Variants in SERPINB11 observed in about 807,000 individuals in gnomAD.
SERPINB11 encodes serpin family B member 11, also known as serpin B11.
Under a neutral mutation model 36.7 loss-of-function variants are expected in SERPINB11, and 32 were observed. The observed-to-expected ratio is 0.87, with a 90% CI of 0.66 to 1.17. The LOEUF (loss-of-function observed/expected upper bound fraction) is 1.17, where lower values mean the gene tolerates loss of function less well. Ranked by LOEUF, SERPINB11 falls within the 50% of genes most tolerant of loss-of-function variation. The probability of loss-of-function intolerance (pLI) is 0.00; values close to 1 mark genes in which losing one functional copy is unlikely to be tolerated. For missense variants in SERPINB11, 528 were observed against 458.4 expected, an observed-to-expected ratio of 1.15 and a Z score of -1.39; for synonymous variants, 174 against 168.1, an observed-to-expected ratio of 1.04 and a Z score of -0.27.
chr18:63,709,159 T>C (rs1914448453), intron 1 of SERPINB11, among the ~76,000 whole-genome samples: 1 of 152,208 alleles, frequency 6.6e-6, no homozygotes, highest in South Asian at 2.1e-4. Context: ...CATCTTTTCT[T>C]CTCTTGGATT....
intron 7 of SERPINB11, 125 bp downstream of exon 7, chr18:63,721,111 G>A (rs1234884395): frequency 3.2e-6 from 3 of 934,150 alleles, no homozygotes; most frequent in South Asian, 1.7e-5. Flanking sequence ...AGCCTTAGTA[G>A]GATTGTCCCG....
intron 7 of SERPINB11, among the ~76,000 whole-genome samples, chr18:63,722,541 G>T (rs1372442103): frequency 6.6e-6 from 1 of 152,140 alleles, no homozygotes; most frequent in Non-Finnish European, 1.5e-5. Context: ...ACAGAGAAGG[G>T]CACGAGAGGA....
intron 6 of SERPINB11, 163 bp from the exon 7 acceptor site, chr18:63,720,649 TTTTAAATTAAAAAAATGGA>T: frequency 1.8e-6 from 1 of 546,212 alleles, no homozygotes; most frequent in Non-Finnish European, 3.2e-6. Context: ...CCATGACTTA[TTTTAAATTAAAAAAATGGA>T]TAACCTTTGC....
intron 1 of SERPINB11, among the ~76,000 whole-genome samples, chr18:63,708,757 T>C (rs1028713182): frequency 6.6e-6 from 1 of 152,194 alleles, no homozygotes; most frequent in Non-Finnish European, 1.5e-5. Flanking sequence ...TAATAGCATA[T>C]TGGTGACATT....
chr18:63,707,924 A>G (rs1914413935), intron 1 of SERPINB11, among the ~76,000 whole-genome samples: 1 of 152,178 alleles, frequency 6.6e-6, no homozygotes, highest in Non-Finnish European at 1.5e-5. Flanking sequence ...GAATGGAGGG[A>G]TGTGGGCTGA....
At position 63,723,158 on chromosome 18, in the gene SERPINB11, T is replaced by A; in HGVS notation, c.938T>A (p.Val313Asp). The A allele has an allele frequency of 6.2e-7, 1 of 1,612,080 alleles. No homozygotes were observed. The highest frequency in any genetic ancestry group is 1.3e-5 in the African/African-American group (1 of 75,000). The change falls in exon 8 of 8, where the codon GTC (valine) becomes GAC (aspartate). Residue 313 changes from valine to aspartate, a missense_variant. Physicochemically the swap from Val to Asp is radical, Grantham distance 152. Transcript: ENST00000544088. ...GGGGTGACAGATCTCTTCAACCAGG[T>A]CAAAGCTGATCTTTCTGGAATGTCA... ...SLGVTDLFNQ[V>D]KADLSGMSPT... is the part of the protein sequence containing the mutation.
At chr18:63,720,540 C>CT in intron 6 of SERPINB11, 1 of 377,724 alleles carries the variant, frequency 2.6e-6, no homozygotes, top group Non-Finnish European at 4.6e-6. Context: ...ATGATATATC[C>CT]TTTTTCTTCC....
chr18:63,716,436 T>C (rs1431462181), intron 5 of SERPINB11, among the ~76,000 whole-genome samples: 2 of 152,224 alleles, frequency 1.3e-5, no homozygotes, highest in African/African-American at 2.4e-5. Context: ...AAAACCCATA[T>C]ATATTGCTAA....
chr18:63,705,771 T>C (rs1173810219), intron 1 of SERPINB11: 1 of 152,214 alleles, frequency 6.6e-6, no homozygotes, highest in Admixed American at 6.5e-5. Context: ...AGGACATAAA[T>C]TTAAGATAAA....
At chr18:63,704,010 C>T (rs1311070628) in intron 1 of SERPINB11, among the ~76,000 whole-genome samples, 3 of 152,174 alleles carry the variant, frequency 2.0e-5, no homozygotes, top group Admixed American at 6.5e-5. Context: ...TCCCTTACCA[C>T]GTGAGTGGGC....
chr18:63,706,113 A>T (rs17071486), intron 1 of SERPINB11, among the ~76,000 whole-genome samples: 1 of 152,022 alleles, frequency 6.6e-6, no homozygotes, highest in African/African-American at 2.4e-5. Context: ...CTGTATAACT[A>T]CTGGGTCCTA....
rs1243554762 is a variant in SERPINB11, at chr18:63,704,392, G to A, written c.-16+1386G>A. On this transcript the variant is annotated intron_variant, in intron 1 of 7. Coordinates refer to ENST00000544088, the MANE Select transcript of SERPINB11 (RefSeq NM_001370475.1). ...ATGGTTAACATAGAAACTCCATTGT[G>A]AAAGATCTCTGCAAACAGAAAGGTA... Among the ~76,000 whole-genome samples the A allele has an allele frequency of 2.0e-5, 3 of 152,206 alleles. No homozygotes were observed. The East Asian group carries it at 5.8e-4, about 29-fold the overall frequency.
At chr18:63,704,932 G>A (rs992694915) in intron 1 of SERPINB11, among the ~76,000 whole-genome samples, 2 of 152,166 alleles carry the variant, frequency 1.3e-5, no homozygotes, top group Non-Finnish European at 1.5e-5. Flanking sequence ...ATCTGCCATC[G>A]GCAAATGAAT....
At chr18:63,722,624 T>A (rs1914843003) in intron 7 of SERPINB11, among the ~76,000 whole-genome samples, 1 of 152,056 alleles carries the variant, frequency 6.6e-6, no homozygotes, top group Non-Finnish European at 1.5e-5. Context: ...TAAAGGAGGG[T>A]ATCATGAAAT....
chr18:63,711,398 T>C lies in SERPINB11; in HGVS notation c.228+4T>C, dbSNP rs2144536640. ...AGGGTTCAAGGACTCACCTAAGGTA[T>C]GATAATATTACTGAGTTGTCAAATG... On this transcript the variant is annotated splice_donor_region_variant and intron_variant, in intron 3 of 7. Transcript: ENST00000544088. The C allele has an allele frequency of 6.3e-7, 1 of 1,587,048 alleles. No homozygotes were observed. Among genetic ancestry groups the C allele is most frequent in the Non-Finnish European group, 8.6e-7 (1 of 1,156,178 alleles).
chr18:63,723,073 C>A lies in SERPINB11; in HGVS notation c.853C>A (p.His285Asn). 6.2e-7 allele frequency: 1 copy of A among 1,605,464 alleles called. No homozygotes were observed. Among genetic ancestry groups the A allele is most frequent in the Non-Finnish European group, 8.5e-7 (1 of 1,175,526 alleles). ...SNMMEREVEV[H>N]LPRFKLETKY... ...CATGATGGAAAGAGAAGTTGAAGTACACCTCCCCCGATTCAAACTTGAAAC... is the reference window on the plus strand; with the variant it reads ...CATGATGGAAAGAGAAGTTGAAGTAAACCTCCCCCGATTCAAACTTGAAAC... Residue 285 changes from histidine to asparagine, a missense_variant, in exon 8 of 8, where the codon CAC becomes AAC. Coordinates refer to ENST00000544088, the MANE Select transcript of SERPINB11 (RefSeq NM_001370475.1).
At chr18:63,703,355 T>A (rs769464199) in intron 1 of SERPINB11, among the ~76,000 whole-genome samples, 3 of 152,238 alleles carry the variant, frequency 2.0e-5, no homozygotes, top group Non-Finnish European at 4.4e-5. Context: ...ACTTCTTAGC[T>A]CCTTAGAAGA....
chr18:63,722,997 A>G lies in SERPINB11; in HGVS notation c.777A>G (p.Ile259Met), dbSNP rs1189264226. The change falls in exon 8 of 8, where the codon ATA becomes ATG. Residue 259 changes from isoleucine (I) to methionine (M), a missense_variant and splice_region_variant. Physicochemically the swap from Ile to Met is conservative, Grantham distance 10 (BLOSUM62 1). Coordinates refer to ENST00000544088, the MANE Select transcript of SERPINB11 (RefSeq NM_001370475.1). The stretch of plus-strand genomic sequence containing the variant: ...CTTGTCTGTGTTTTGTCTCTTAGAT[A>G]GAAAAGCAGCTGAATTCGGGGACGT... ...LPVGIANLKQ[I>M]EKQLNSGTFH... 1.3e-6 allele frequency: 2 copies of G among 1,565,152 alleles called. No homozygotes were observed. The highest frequency in any genetic ancestry group is 1.9e-5 in the Admixed American group (1 of 51,886).
Position 63,720,066 on chromosome 18 carries a change from G to C in SERPINB11, c.529G>C (p.Val177Leu). 6.2e-6 allele frequency: 10 copies of C among 1,611,104 alleles called. No homozygotes were observed. The highest frequency in any genetic ancestry group is 8.5e-6 in the Non-Finnish European group (10 of 1,177,858). Residue 177 changes from valine to leucine, a missense_variant, in exon 6 of 8, where the codon GTC (valine) becomes CTC (leucine). By Grantham distance (32) the Val-to-Leu change is conservative (BLOSUM62 1). Transcript: ENST00000544088. Reference protein sequence around the residue: ...KSTIDPSSVMVLVNAIYFKGQ... With the variant: ...KSTIDPSSVMLLVNAIYFKGQ... ...CACAATTGACCCTTCATCTGTAATGGTCCTGGTGAATGCCATATATTTCAA... is the reference window on the plus strand; with the variant it reads ...CACAATTGACCCTTCATCTGTAATGCTCCTGGTGAATGCCATATATTTCAA...
Sources: gnomAD v4.1 joint callset for allele counts (sites outside exome capture counted in the v4.1 genomes callset) on GRCh38, gnomAD v4.1.1 for gene constraint, MANE v1.5 for transcripts, NCBI Gene and HGNC (gene_info 2026-07-23, HGNC 2026-07-21) for gene names.